The following CCL24 variants were observed in gnomAD, a reference collection of about 807,000 sequenced individuals.
The protein encoded by CCL24 is C-C motif chemokine 24.
In CCL24, 6 loss-of-function variants were observed where a neutral mutation model predicts 8.6. The observed-to-expected ratio is 0.70, with a 90% confidence interval of 0.38 to 1.38. CCL24 has a LOEUF of 1.38. Ranked by LOEUF, CCL24 falls within the 40% of genes most tolerant of loss-of-function variation. CCL24 has a pLI of 0.02. For synonymous variants in CCL24, 59 were observed against 52.7 expected (o/e 1.12, Z -0.52); for missense variants, 126 against 147.1 (o/e 0.86, Z 0.74).
intron 1 of CCL24, among the ~76,000 whole-genome samples, chr7:75,821,927 C>CAAAAA (rs1287627655): frequency 1.3e-5 from 1 of 74,192 alleles, no homozygotes; most frequent in Non-Finnish European, 3.0e-5. Context: ...GACTCCGTCT[C>CAAAAA]AAAAAAAAAA....
At chr7:75,817,892 A>G (rs1803925985), upstream of CCL24, among the ~76,000 whole-genome samples, 1 of 149,534 alleles carries the variant, frequency 6.7e-6, no homozygotes, top group South Asian at 2.1e-4. Context: ...GTGCAGTGGC[A>G]TGATCTTGGC....
chr7:75,812,817 C>G (rs1439243730), intron 2 of CCL24, among the ~76,000 whole-genome samples: 1 of 152,046 alleles, frequency 6.6e-6, no homozygotes, highest in Non-Finnish European at 1.5e-5. Context: ...GTAATCCCAG[C>G]TACTCGGGAG....
At chr7:75,815,834 T>A (rs1349817139), upstream of CCL24, among the ~76,000 whole-genome samples, 1 of 151,940 alleles carries the variant, frequency 6.6e-6, no homozygotes, top group Non-Finnish European at 1.5e-5. Context: ...GAGGAGGAGG[T>A]AACAATTGGT....
At position 75,811,915 on chromosome 7, in the gene CCL24, A is replaced by C. The variant is rs145957811; in HGVS notation, c.241T>G (p.Trp81Gly). Reference sequence around the variant, plus strand: ...AGGTTCTTCATGTACCTCTGGACCCACTCCTGCTTGGGGTCGCCACAGAAC... The same window carrying C: ...AGGTTCTTCATGTACCTCTGGACCCCCTCCTGCTTGGGGTCGCCACAGAAC... ...QQFCGDPKQE[W>G]VQRYMKNLDA... Residue 81 changes from tryptophan to glycine, a missense_variant, in exon 3 of 3, where the codon TGG becomes GGG. By Grantham distance (184) the Trp-to-Gly change is radical. Coordinates refer to ENST00000222902, the MANE Select transcript of CCL24 (RefSeq NM_002991.3). 9 of 1,601,176 alleles carry C rather than the reference A, an allele frequency of 5.6e-6. No individual in the cohort carries two copies. In the African/African-American group the frequency reaches 1.1e-4, roughly 20 times the overall value.
upstream of CCL24, among the ~76,000 whole-genome samples, chr7:75,817,511 T>TG (rs1277936352): frequency 1.4e-4 from 21 of 151,460 alleles, no homozygotes; most frequent in Admixed American, 6.6e-5. Context: ...ATCCAATTTT[T>TG]TTTTTTTTTT....
chr7:75,811,796 T>G lies in CCL24; in HGVS notation c.360A>C (p.Ter120TyrextTer37), dbSNP rs782042253. The G allele has an allele frequency of 1.2e-6, 2 of 1,612,888 alleles. No homozygotes were observed. Among genetic ancestry groups the G allele is most frequent in the South Asian group, 2.2e-5 (2 of 90,962 alleles). Residue 120 changes from the stop codon to tyrosine (Y), a stop_lost, in exon 3 of 3, where the codon TAA becomes TAC. Coordinates refer to ENST00000222902, the MANE Select transcript of CCL24 (RefSeq NM_002991.3). ...TCAGGGCTGGAGGGCTGGGCGGGGA[T>G]TAGCAGGTGGTTTGGTTGCCAGGAT... ...QRYPGNQTTC[*>Y]
Position 75,813,735 on chromosome 7 carries a change from C to T in CCL24, c.-20G>A. 6.2e-7 allele frequency: 1 copy of T among 1,608,950 alleles called. No individual in the cohort carries two copies. Among genetic ancestry groups the T allele is most frequent in the Non-Finnish European group, 8.5e-7 (1 of 1,175,414 alleles). On this transcript the variant is annotated 5_prime_UTR_variant, in exon 1 of 3. In the 5' UTR this introduces an upstream ATG that the reference lacks. Transcript: ENST00000222902. ...TGCCATGTCTCAGAGAGCAGAAGCACCAGCTCGGGGCTCAAAGCTGACGTG... is the reference window on the plus strand; with the variant it reads ...TGCCATGTCTCAGAGAGCAGAAGCATCAGCTCGGGGCTCAAAGCTGACGTG...
chr7:75,813,951 G>C (rs1490987243), upstream of CCL24: 1 of 426,476 alleles, frequency 2.3e-6, no homozygotes, highest in African/African-American at 2.0e-5. Flanking sequence ...CTGAGTCAAG[G>C]GTTATCTTGG....
chr7:75,821,462 T>A (rs556418711), intron 1 of CCL24, among the ~76,000 whole-genome samples: 1 of 152,212 alleles, frequency 6.6e-6, no homozygotes, highest in Non-Finnish European at 1.5e-5. Flanking sequence ...TGATGCCATA[T>A]GGTTGAGGAA....
rs565159922 is a variant in CCL24 at position 75,821,914 on chromosome 7, C to T, written c.-60+1408G>A. ...CTGCACTCCAGCCTGGGCGACAGAGCGAGACTCCGTCTCAAAAAAAAAAAA... is the reference window on the plus strand; with the variant it reads ...CTGCACTCCAGCCTGGGCGACAGAGTGAGACTCCGTCTCAAAAAAAAAAAA... On this transcript the variant is annotated intron_variant, in intron 1 of 3. Transcript: ENST00000416943. 2.1e-4 allele frequency among the ~76,000 whole-genome samples: 30 copies of T among 139,876 alleles called. 1 individual carries two copies. The East Asian group carries it at 4.7e-3, about 22-fold the overall frequency. 91.8% of individuals were successfully genotyped at this position (139,876 alleles called of 152,430 possible).
At chr7:75,815,366 G>A (rs1803867728), upstream of CCL24, among the ~76,000 whole-genome samples, 2 of 151,604 alleles carry the variant, frequency 1.3e-5, no homozygotes, top group Middle Eastern at 3.2e-3. Flanking sequence ...GAAAGGCTGG[G>A]TGAGGTGGCT....
chr7:75,820,106 C>CTTCTTCTTCTT (rs1554534861), intron 1 of CCL24, among the ~76,000 whole-genome samples: 42 of 72,064 alleles, frequency 5.8e-4, no homozygotes, highest in East Asian at 1.4e-3. Context: ...TCTTCTTCTT[C>CTTCTTCTTCTT]CTTCTTCTTC....
At position 75,813,365 on chromosome 7, in the gene CCL24, C is replaced by G; in HGVS notation, c.132G>C (p.Glu44Asp). 1 of 1,613,844 alleles carries G rather than the reference C, an allele frequency of 6.2e-7. No homozygotes were observed. Among genetic ancestry groups the G allele is most frequent in the South Asian group, 1.1e-5 (1 of 91,076 alleles). The change falls in exon 2 of 3, where the codon GAG becomes GAC. Residue 44 changes from glutamate (E) to aspartate (D), a missense_variant. Coordinates refer to ENST00000222902, the MANE Select transcript of CCL24 (RefSeq NM_002991.3). Reference protein sequence around the residue: ...CMFFVSKRIPENRVVSYQLSS... With the variant: ...CMFFVSKRIPDNRVVSYQLSS... ...ACAGCTGGTAGCTGACCACTCGGTT[C>G]TCAGGAATTCTCTTGGAAACAAAGA...
At chr7:75,817,132 C>T (rs1803909840), upstream of CCL24, among the ~76,000 whole-genome samples, 2 of 152,172 alleles carry the variant, frequency 1.3e-5, no homozygotes, top group African/African-American at 4.8e-5. Flanking sequence ...TCCCAAAGCG[C>T]TGGGATTACA....
At position 75,811,957 on chromosome 7, in the gene CCL24, T is replaced by C; in HGVS notation, c.199A>G (p.Thr67Ala). Reference protein sequence around the residue: ...TCLKAGVIFTTKKGQQFCGDP... With the variant: ...TCLKAGVIFTAKKGQQFCGDP... Reference sequence around the variant, plus strand: ...CCACAGAACTGCTGGCCCTTCTTGGTGGTGAAGCTGTGGAAGAAAGGGACA... The same window carrying C: ...CCACAGAACTGCTGGCCCTTCTTGGCGGTGAAGCTGTGGAAGAAAGGGACA... Residue 67 changes from threonine to alanine, a missense_variant, in exon 3 of 3, where the codon ACC (threonine) becomes GCC (alanine). Transcript: ENST00000222902. The C allele has an allele frequency of 1.2e-6, 2 of 1,609,940 alleles. No homozygotes were observed. Among genetic ancestry groups the C allele is most frequent in the Non-Finnish European group, 1.7e-6 (2 of 1,179,224 alleles).
At chr7:75,812,951 C>T (rs797025891) in intron 2 of CCL24, among the ~76,000 whole-genome samples, 15 of 150,644 alleles carry the variant, frequency 1.0e-4, no homozygotes, top group African/African-American at 3.7e-4. Context: ...AATCCTCCTC[C>T]TGGCTGGGTG....
intron 2 of CCL24, among the ~76,000 whole-genome samples, chr7:75,812,668 G>A (rs11465302): frequency 8.5e-5 from 13 of 152,228 alleles, no homozygotes; most frequent in African/African-American, 3.1e-4. Context: ...GGTGGATCAC[G>A]CCTGTAATCC....
In CCL24 at chr7:75,820,834, T is replaced by A. The variant is rs568304874; in HGVS notation, c.-60+2488A>T. On this transcript the variant is annotated intron_variant, in intron 1 of 3. Coordinates refer to the CCL24 transcript ENST00000416943. ...ATTCACTAATCCATCCATCCATCCA[T>A]CCATCCATCCATCCCTCCACCCATC... 7.3e-5 allele frequency among the ~76,000 whole-genome samples: 11 copies of A among 150,916 alleles called. 1 individual carries two copies. The South Asian group carries it at 1.9e-3, about 26-fold the overall frequency.
At chr7:75,816,600 C>A (rs111813444), upstream of CCL24, among the ~76,000 whole-genome samples, 1,316 of 150,450 alleles carry the variant, frequency 8.7e-3, 24 homozygotes, top group African/African-American at 0.03. Flanking sequence ...CTCTCTCTGT[C>A]GCCCAGGCTG....
Sources: gnomAD v4.1 joint callset for allele counts (sites outside exome capture counted in the v4.1 genomes callset) on GRCh38, gnomAD v4.1.1 for gene constraint, MANE v1.5 for transcripts, NCBI Gene and HGNC (gene_info 2026-07-23, HGNC 2026-07-21) for gene names.